The following NRXN3 variants were observed in gnomAD, a reference collection of about 807,000 sequenced individuals.
NRXN3 encodes neurexin 3.
In NRXN3, 32 loss-of-function variants were observed where a neutral mutation model predicts 137.6. The observed-to-expected ratio is 0.23, with a 90% confidence interval of 0.18 to 0.31. The LOEUF (loss-of-function observed/expected upper bound fraction) is 0.31, where lower values mean the gene tolerates loss of function less well. Ranked by LOEUF, NRXN3 falls within the 10% of genes least tolerant of loss-of-function variation. The probability of loss-of-function intolerance (pLI) is 1.00; values close to 1 mark genes in which losing one functional copy is unlikely to be tolerated. For synonymous variants in NRXN3, 798 were observed against 784.5 expected, an observed-to-expected ratio of 1.02 and a Z score of -0.29; for missense variants, 1,574 against 2,062.5, an observed-to-expected ratio of 0.76 and a Z score of 4.59.
chr14:78,635,760 T>C (rs532597120), intron 4 of NRXN3, among the ~76,000 whole-genome samples: 67 of 152,334 alleles, frequency 4.4e-4, no homozygotes, highest in African/African-American at 1.6e-3. Context: ...TGTGAGTATG[T>C]ATATATTGTA....
intron 1 of NRXN3, chr14:78,178,012 C>T (rs100611): frequency 0.85 from 130,112 of 152,260 alleles, 55,753 homozygotes; most frequent in African/African-American, 0.9. Flanking sequence ...TGCATTATCT[C>T]ACATAATCCT....
chr14:78,301,622 C>T (rs2153531414), intron 4 of NRXN3, among the ~76,000 whole-genome samples: 1 of 152,296 alleles, frequency 6.6e-6, no homozygotes, highest in South Asian at 2.1e-4. Context: ...GCCCCTATCT[C>T]AATGAGTCTG....
chr14:78,596,966 G>T (rs977480376), intron 4 of NRXN3, among the ~76,000 whole-genome samples: 23 of 152,208 alleles, frequency 1.5e-4, no homozygotes, highest in Admixed American at 1.5e-3. Flanking sequence ...AAAAACGTTC[G>T]TTGTTATTTG....
At chr14:78,974,115 C>T (rs556994949) in intron 14 of NRXN3, among the ~76,000 whole-genome samples, 1 of 152,160 alleles carries the variant, frequency 6.6e-6, no homozygotes, top group African/African-American at 2.4e-5. Context: ...GGAAGCTTTA[C>T]AATAGCTTTC....
chr14:79,857,539 T>C (rs1379452376), intron 20 of NRXN3, among the ~76,000 whole-genome samples: 1 of 152,140 alleles, frequency 6.6e-6, no homozygotes, highest in East Asian at 1.9e-4. Context: ...GTTATTTCTA[T>C]TAATGATCTT....
At chr14:78,406,520 A>G (rs2092495429) in intron 4 of NRXN3, among the ~76,000 whole-genome samples, 1 of 152,196 alleles carries the variant, frequency 6.6e-6, no homozygotes, top group Non-Finnish European at 1.5e-5. Context: ...TTGCAAAAGG[A>G]AAATCTGGGT....
chr14:78,759,696 A>G (rs1362190685), intron 8 of NRXN3, among the ~76,000 whole-genome samples: 1 of 152,230 alleles, frequency 6.6e-6, no homozygotes, highest in East Asian at 1.9e-4. Context: ...TTCAGCGAAT[A>G]AATGTTTGTT....
At position 79,728,055 on chromosome 14, in the gene NRXN3, G is replaced by A. The variant is rs117007797; in HGVS notation, c.4014+30118G>A. On this transcript the variant is annotated intron_variant, in intron 19 of 20. Coordinates refer to ENST00000335750, the MANE Select transcript of NRXN3 (RefSeq NM_001330195.2). ...AGAGGCAACTTCTCCCTGAAGCCAG[G>A]TGGGAGTGTCCCTTTGAAGCCTTAC... Among the ~76,000 whole-genome samples, 327 of 152,264 alleles carry A rather than the reference G, an allele frequency of 2.1e-3. 8 individuals carry two copies. In the East Asian group the frequency reaches 0.04, roughly 18 times the overall value.
At chr14:79,823,030 G>C (rs1490500533) in intron 20 of NRXN3, among the ~76,000 whole-genome samples, 1 of 152,126 alleles carries the variant, frequency 6.6e-6, no homozygotes, top group Admixed American at 6.5e-5. Flanking sequence ...ATTTTGGAAA[G>C]CTGAATTAGC....
intron 15 of NRXN3, among the ~76,000 whole-genome samples, chr14:79,444,902 A>T (rs1045074843): frequency 2.6e-5 from 4 of 152,234 alleles, no homozygotes; most frequent in Non-Finnish European, 4.4e-5. Context: ...GGAGATTGTG[A>T]GAAATAAGCC....
chr14:78,375,440 C>A (rs1327656948), intron 4 of NRXN3, among the ~76,000 whole-genome samples: 1 of 152,152 alleles, frequency 6.6e-6, no homozygotes, highest in Non-Finnish European at 1.5e-5. Flanking sequence ...GCTTTTTAAT[C>A]ATCCTATTTT....
At chr14:79,134,972 C>T (rs1379608945) in intron 15 of NRXN3, among the ~76,000 whole-genome samples, 1 of 152,178 alleles carries the variant, frequency 6.6e-6, no homozygotes, top group Non-Finnish European at 1.5e-5. Context: ...AAGGTTAGAA[C>T]TAATATAAAA....
intron 8 of NRXN3, among the ~76,000 whole-genome samples, chr14:78,742,154 G>A (rs556122686): frequency 6.6e-6 from 1 of 152,268 alleles, no homozygotes; most frequent in Admixed American, 6.5e-5. Flanking sequence ...TTTGGCAACT[G>A]TCTACTTCCA....
chr14:79,433,681 G>A (rs2095799808), intron 15 of NRXN3, among the ~76,000 whole-genome samples: 1 of 152,154 alleles, frequency 6.6e-6, no homozygotes, highest in African/African-American at 2.4e-5. Flanking sequence ...GTGATATGAA[G>A]GAACTAGTGA....
At chr14:79,700,948 G>C (rs371413575) in intron 19 of NRXN3, among the ~76,000 whole-genome samples, 1 of 152,106 alleles carries the variant, frequency 6.6e-6, no homozygotes, top group African/African-American at 2.4e-5. Flanking sequence ...GAAAGCAGGT[G>C]TGTGAGTGAT....
intron 19 of NRXN3, among the ~76,000 whole-genome samples, chr14:79,770,140 T>A (rs1262519006): frequency 1.3e-5 from 2 of 151,744 alleles, no homozygotes; most frequent in Non-Finnish European, 2.9e-5. Context: ...CTGAGTGACC[T>A]ACAAAGAGAC....
At chr14:78,554,695 T>C (rs956041122) in intron 4 of NRXN3, among the ~76,000 whole-genome samples, 2 of 152,208 alleles carry the variant, frequency 1.3e-5, no homozygotes, top group Non-Finnish European at 2.9e-5. Flanking sequence ...TCCATATTTT[T>C]CACCCACAGG....
chr14:78,741,590 A>T (rs1480952001), intron 8 of NRXN3, among the ~76,000 whole-genome samples: 1 of 152,148 alleles, frequency 6.6e-6, no homozygotes, highest in East Asian at 1.9e-4. Context: ...AAAAGTACGT[A>T]CTCATGAAAA....
intron 15 of NRXN3, among the ~76,000 whole-genome samples, chr14:79,129,504 A>G (rs1568373325): frequency 6.9e-6 from 1 of 145,688 alleles, no homozygotes; most frequent in Non-Finnish European, 1.5e-5. Context: ...GAGATTCTTA[A>G]TCCTGAGTTC....
Sources: allele counts gnomAD v4.1 joint callset (sites outside exome capture counted in the v4.1 genomes callset), GRCh38; gene constraint gnomAD v4.1.1; transcripts MANE v1.5; gene names NCBI Gene and HGNC (gene_info 2026-07-23, HGNC 2026-07-21).